Variants in ARID5A observed in about 807,000 individuals in gnomAD.
The protein encoded by ARID5A is AT-rich interactive domain-containing protein 5A.
In ARID5A, 14 loss-of-function variants were observed where a neutral mutation model predicts 30.5. That is an observed-to-expected ratio of 0.46 (90% CI 0.30 to 0.72). The LOEUF is 0.72. Among genes scored for constraint, ARID5A ranks in the 30% least tolerant of loss-of-function variants. The pLI, the probability that ARID5A is intolerant of heterozygous loss-of-function variation, is 0.07. For missense variants in ARID5A, 669 were observed against 786.2 expected, an observed-to-expected ratio of 0.85 and a Z score of 1.78; for synonymous variants, 338 against 340.4, an observed-to-expected ratio of 0.99 and a Z score of 0.08.
intron 1 of ARID5A, 99 bp downstream of exon 1, chr2:96,536,929 G>T (rs1573175821): frequency 2.5e-6 from 3 of 1,211,226 alleles, no homozygotes; most frequent in Non-Finnish European, 3.1e-6. Context: ...CGTGGCAGTC[G>T]GTGCGCTGTG....
Position 96,550,847 on chromosome 2 carries a change from G to C in ARID5A, c.570+114G>C. On this transcript the variant is annotated intron_variant, in intron 6 of 6. Coordinates refer to ENST00000357485, the MANE Select transcript of ARID5A (RefSeq NM_212481.3). This position sits in a 1 kb window ranked among gnomAD's most constrained non-coding sequence, Gnocchi z 6.6. ...TCAGAATACACAGAACCTGCACCCA[G>C]GGCGGGACTTGCAAGGTTCCAGGTT... 1 of 1,406,744 alleles carries C rather than the reference G, an allele frequency of 7.1e-7. No individual in the cohort carries two copies. The highest frequency in any genetic ancestry group is 2.5e-5 in the East Asian group (1 of 39,850). 87.1% of individuals were successfully genotyped at this position (1,406,744 alleles called of 1,614,324 possible).
rs1244548337 is a variant in ARID5A at position 96,537,775 on chromosome 2, A to T, written c.4+945A>T. On this transcript the variant is annotated intron_variant, in intron 1 of 6. Transcript: ENST00000357485. The surrounding 1 kb of genome is among the most constrained non-coding windows in gnomAD (Gnocchi z 4.8). ...GGGTCGCCCGGGCTGGGGTCGCGTC[A>T]CCCTCCGCCCAGCGCCGGCGTGGTG... is the stretch of plus-strand genomic sequence containing the variant. 8.4e-6 allele frequency: 7 copies of T among 835,792 alleles called. No homozygotes were observed. In the South Asian group the frequency reaches 3.8e-4, roughly 46 times the overall value. The allele number at this position is 835,792 out of a possible 1,614,324, so 51.8% of individuals were successfully genotyped here.
chr2:96,550,797 TC>T lies in ARID5A; in HGVS notation c.570+67del. 6.8e-7 allele frequency: 1 copy of T among 1,478,620 alleles called. No homozygotes were observed. The allele number at this position is 1,478,620 out of a possible 1,614,324, so 91.6% of individuals were successfully genotyped here. ...CTCTTGTAGCCCCCTACCCCACAAC[TC>T]CCTGTGGCCGCGGAGCTGTCTGCTC... On this transcript the variant is annotated intron_variant, in intron 6 of 6. Transcript: ENST00000357485. The surrounding 1 kb of genome is among the most constrained non-coding windows in gnomAD (Gnocchi z 6.6).
chr2:96,543,223 T>G (rs981407876), intron 1 of ARID5A, among the ~76,000 whole-genome samples: 2 of 152,156 alleles, frequency 1.3e-5, no homozygotes, highest in African/African-American at 4.8e-5. Flanking sequence ...TGAATCCTGG[T>G]CCCCCAGGGA....
intron 1 of ARID5A, among the ~76,000 whole-genome samples, chr2:96,541,362 A>G (rs1417703716): frequency 1.3e-5 from 2 of 152,196 alleles, no homozygotes; most frequent in African/African-American, 4.8e-5. Context: ...TTCAAATGGA[A>G]TATTTTTAAA....
At position 96,539,415 on chromosome 2, in the gene ARID5A, G is replaced by T. The variant is rs1028540376; in HGVS notation, c.4+2585G>T. Among the ~76,000 whole-genome samples, 8 of 152,328 alleles carry T rather than the reference G, an allele frequency of 5.3e-5. No homozygotes were observed. Among genetic ancestry groups the T allele is most frequent in the Admixed American group, 6.5e-5 (1 of 15,304 alleles). On this transcript the variant is annotated intron_variant, in intron 1 of 6. Transcript: ENST00000357485. The surrounding 1 kb of genome is among the most constrained non-coding windows in gnomAD (Gnocchi z 4.7). The stretch of plus-strand genomic sequence containing the variant: ...TTCTAGTCCTGGCTAAGCCCCGTGA[G>T]ACATCTTAAGTTTGTCTTCAGTGAC...
At position 96,552,254 on chromosome 2, in the gene ARID5A, G is replaced by A. The variant is rs141603160; in HGVS notation, c.1726G>A (p.Ala576Thr). 1.4e-4 allele frequency: 220 copies of A among 1,613,042 alleles called. No homozygotes were observed. In the African/African-American group the frequency reaches 2.3e-3, roughly 17 times the overall value. The change falls in exon 7 of 7, where the codon GCA becomes ACA. Residue 576 changes from alanine (A) to threonine (T), a missense_variant. This residue lies in a region of ARID5A where 548 missense variants were observed against 577.4 expected (regional missense o/e 0.95). Transcript: ENST00000357485. Reference protein sequence around the residue: ...RLCPASSAWHAPPVTTYAAPH... With the variant: ...RLCPASSAWHTPPVTTYAAPH... Reference sequence around the variant, plus strand: ...TTGCCCGGCCTCATCTGCCTGGCACGCACCACCAGTCACAACCTATGCAGC... The same window carrying A: ...TTGCCCGGCCTCATCTGCCTGGCACACACCACCAGTCACAACCTATGCAGC...
Position 96,550,029 on chromosome 2 carries a change from T to A in ARID5A, c.313-159T>A. Reference sequence around the variant, plus strand: ...TTGGGAAAACTGCTTGGGCCAGCAGTCCATGGCCCTAGGAGAGAGAATCGG... The same window carrying A: ...TTGGGAAAACTGCTTGGGCCAGCAGACCATGGCCCTAGGAGAGAGAATCGG... On this transcript the variant is annotated intron_variant, in intron 4 of 6. Coordinates refer to ENST00000357485, the MANE Select transcript of ARID5A (RefSeq NM_212481.3). The surrounding 1 kb of genome is among the most constrained non-coding windows in gnomAD (Gnocchi z 6.6). 1 of 1,533,610 alleles carries A rather than the reference T, an allele frequency of 6.5e-7. No homozygotes were observed. Among genetic ancestry groups the A allele is most frequent in the Non-Finnish European group, 8.7e-7 (1 of 1,146,356 alleles).
Position 96,551,373 on chromosome 2 carries a change from A to G in ARID5A, c.845A>G (p.His282Arg). The G allele has an allele frequency of 6.2e-7, 1 of 1,612,326 alleles. No homozygotes were observed. The highest frequency in any genetic ancestry group is 8.5e-7 in the Non-Finnish European group (1 of 1,179,694). Reference sequence around the variant, plus strand: ...CAGTGCCAGGAGGAGGGCTGCCGCCATGGGGCAGAGCCCCAGGCGTCCCCA... The same window carrying G: ...CAGTGCCAGGAGGAGGGCTGCCGCCGTGGGGCAGAGCCCCAGGCGTCCCCA... Reference protein sequence around the residue: ...ALQCQEEGCRHGAEPQASPAV... With the variant: ...ALQCQEEGCRRGAEPQASPAV... The change falls in exon 7 of 7, where the codon CAT becomes CGT. Residue 282 changes from histidine to arginine, a missense_variant. By Grantham distance (29) the His-to-Arg change is conservative. Transcript: ENST00000357485.
At position 96,537,058 on chromosome 2, in the gene ARID5A, G is replaced by A. The variant is rs1249070683; in HGVS notation, c.4+228G>A. On this transcript the variant is annotated intron_variant, in intron 1 of 6. Coordinates refer to ENST00000357485, the MANE Select transcript of ARID5A (RefSeq NM_212481.3). This position sits in a 1 kb window ranked among gnomAD's most constrained non-coding sequence, Gnocchi z 4.8. ...GGGGTGAGGCTGGGCGTCCGCGCGA[G>A]CTTCGAGAAAAGGAAAGACAAAAAG... 6.6e-6 allele frequency among the ~76,000 whole-genome samples: 1 copy of A among 152,144 alleles called. No homozygotes were observed. The highest frequency in any genetic ancestry group is 1.5e-5 in the Non-Finnish European group (1 of 68,000).
Position 96,537,899 on chromosome 2 carries a change from G to T in ARID5A, c.4+1069G>T. On this transcript the variant is annotated intron_variant, in intron 1 of 6. Transcript: ENST00000357485. This position sits in a 1 kb window ranked among gnomAD's most constrained non-coding sequence, Gnocchi z 4.8. ...GCAGAGTCTTGGGCCAGTAAGGAGTGCTCCGCGGGCCCCAGGGGAGGACAA... is the reference window on the plus strand; with the variant it reads ...GCAGAGTCTTGGGCCAGTAAGGAGTTCTCCGCGGGCCCCAGGGGAGGACAA... 1 of 985,550 alleles carries T rather than the reference G, an allele frequency of 1.0e-6. No homozygotes were observed. The highest frequency in any genetic ancestry group is 4.7e-5 in the South Asian group (1 of 21,290). 61.1% of individuals were successfully genotyped at this position (985,550 alleles called of 1,614,324 possible).
Position 96,550,166 on chromosome 2 carries a change from C to T in ARID5A, c.313-22C>T. The T allele has an allele frequency of 6.5e-7, 1 of 1,533,244 alleles. No homozygotes were observed. The highest frequency in any genetic ancestry group is 8.8e-7 in the Non-Finnish European group (1 of 1,141,952). 95.0% of individuals were successfully genotyped at this position (1,533,244 alleles called of 1,614,324 possible). A position where few individuals can be genotyped will look rare whatever the true frequency, so the allele number is the denominator to read the frequency against. The stretch of plus-strand genomic sequence containing the variant: ...CGCCAGGGGGCGCCCGCCGGCCGCG[C>T]CCTCACGAGGTGCCCTTGCAGGTGA... On this transcript the variant is annotated intron_variant, in intron 4 of 6. Coordinates refer to ENST00000357485, the MANE Select transcript of ARID5A (RefSeq NM_212481.3). This position sits in a 1 kb window ranked among gnomAD's most constrained non-coding sequence, Gnocchi z 6.6.
rs2065997944 is a variant in ARID5A at position 96,549,981 on chromosome 2, C to G, written c.312+176C>G. On this transcript the variant is annotated intron_variant, in intron 4 of 6. Coordinates refer to ENST00000357485, the MANE Select transcript of ARID5A (RefSeq NM_212481.3). This position sits in a 1 kb window ranked among gnomAD's most constrained non-coding sequence, Gnocchi z 6.1. ...GCTCAAAGCAGCTTTTCAGCCTTCC[C>G]CATCTGTTCTGCCCGCCCCGTGTTG... 1 of 1,533,296 alleles carries G rather than the reference C, an allele frequency of 6.5e-7. No homozygotes were observed. The highest frequency in any genetic ancestry group is 1.2e-5 in the South Asian group (1 of 82,578). The allele number at this position is 1,533,296 out of a possible 1,614,324, so 95.0% of individuals were successfully genotyped here.
chr2:96,548,310 G>A (rs1034580046), intron 2 of ARID5A, among the ~76,000 whole-genome samples: 3 of 152,040 alleles, frequency 2.0e-5, no homozygotes, highest in Non-Finnish European at 4.4e-5. Flanking sequence ...CTGTTACCCA[G>A]GCTGGAGTGC....
At chr2:96,545,357 AC>A (rs1354130059) in intron 1 of ARID5A, among the ~76,000 whole-genome samples, 4 of 151,670 alleles carry the variant, frequency 2.6e-5, no homozygotes, top group African/African-American at 7.3e-5. Flanking sequence ...GGGTTTCGCC[AC>A]GTTGGCCAGG....
intron 1 of ARID5A, among the ~76,000 whole-genome samples, chr2:96,541,258 G>A (rs925120160): frequency 4.9e-4 from 75 of 152,042 alleles, no homozygotes; most frequent in Admixed American, 3.9e-4. Context: ...GGATGGTCTC[G>A]ATCTCTTGAC....
chr2:96,540,416 G>T (rs534666799), intron 1 of ARID5A, among the ~76,000 whole-genome samples: 1 of 152,318 alleles, frequency 6.6e-6, no homozygotes, highest in South Asian at 2.1e-4. Context: ...CTCATCTTCT[G>T]GCGCAGCCAC....
rs1204506959 is a variant in ARID5A, at chr2:96,539,088, G to A, written c.4+2258G>A. ...GTGCCTTGGGGAGGGAGCAGGACAG[G>A]CAGGCCTCTGATCTTCTCACTGAGC... On this transcript the variant is annotated intron_variant, in intron 1 of 6. Coordinates refer to ENST00000357485, the MANE Select transcript of ARID5A (RefSeq NM_212481.3). This position sits in a 1 kb window ranked among gnomAD's most constrained non-coding sequence, Gnocchi z 4.7. 2.0e-5 allele frequency among the ~76,000 whole-genome samples: 3 copies of A among 152,202 alleles called. No individual in the cohort carries two copies. Among genetic ancestry groups the A allele is most frequent in the Non-Finnish European group, 4.4e-5 (3 of 68,034 alleles).
At position 96,537,226 on chromosome 2, in the gene ARID5A, T is replaced by A; in HGVS notation, c.4+396T>A. 1 of 173,806 alleles carries A rather than the reference T, an allele frequency of 5.8e-6. No individual in the cohort carries two copies. The highest frequency in any genetic ancestry group is 1.2e-5 in the Non-Finnish European group (1 of 82,330). 10.8% of individuals were successfully genotyped at this position (173,806 alleles called of 1,614,324 possible). A position where few individuals can be genotyped will look rare whatever the true frequency, so the allele number is the denominator to read the frequency against. The stretch of plus-strand genomic sequence containing the variant: ...CTCGAGCTGGGCTCAGCTAATTTGT[T>A]GTGACAGCTGTCGGCAGCCGCCCCT... On this transcript the variant is annotated intron_variant, in intron 1 of 6. Transcript: ENST00000357485. The surrounding 1 kb of genome is among the most constrained non-coding windows in gnomAD (Gnocchi z 4.8).
Sources: allele counts gnomAD v4.1 joint callset (sites outside exome capture counted in the v4.1 genomes callset), GRCh38; gene constraint gnomAD v4.1.1; regional missense constraint gnomAD v4.1.1; non-coding constraint Gnocchi (gnomAD v3.1); transcripts MANE v1.5; gene names NCBI Gene and HGNC (gene_info 2026-07-23, HGNC 2026-07-21).